VEPH1: variants seen among roughly 807,000 people sequenced by gnomAD.
VEPH1 encodes the protein ventricular zone expressed PH domain containing 1, also known as ventricular zone-expressed PH domain-containing protein homolog 1.
VEPH1 carries 80 observed loss-of-function variants against 85.2 expected under a neutral mutation model. The ratio of observed to expected loss-of-function variants is 0.94; its 90% CI spans 0.78 to 1.13. VEPH1 has a LOEUF of 1.13. Ranked by LOEUF, VEPH1 falls within the 50% of genes most tolerant of loss-of-function variation. The probability of loss-of-function intolerance (pLI) is 0.00; values close to 1 mark genes in which losing one functional copy is unlikely to be tolerated. For synonymous variants in VEPH1, 297 were observed against 348.0 expected, an observed-to-expected ratio of 0.85 and a Z score of 1.63; for missense variants, 955 against 980.5, an observed-to-expected ratio of 0.97 and a Z score of 0.35.
intron 11 of VEPH1, among the ~76,000 whole-genome samples, chr3:157,304,549 C>CATG (rs1290029919): frequency 1.3e-5 from 2 of 152,158 alleles, no homozygotes. Context: ...TTGGGTAGCA[C>CATG]ATGCACTGAA....
chr3:157,467,627 T>C (rs1316239145), intron 3 of VEPH1, among the ~76,000 whole-genome samples: 2 of 152,374 alleles, frequency 1.3e-5, no homozygotes, highest in South Asian at 4.1e-4. Flanking sequence ...CAGGACAAGA[T>C]GCTGAACTTT....
At chr3:157,360,618 C>T (rs1166270734) in intron 9 of VEPH1, among the ~76,000 whole-genome samples, 1 of 151,952 alleles carries the variant, frequency 6.6e-6, no homozygotes, top group Admixed American at 6.6e-5. Flanking sequence ...CTTAACCTAC[C>T]GAACATCATA....
At chr3:157,406,294 T>C (rs915043253) in intron 6 of VEPH1, among the ~76,000 whole-genome samples, 6 of 152,154 alleles carry the variant, frequency 3.9e-5, no homozygotes, top group African/African-American at 1.2e-4. Flanking sequence ...CTTCCTCTTG[T>C]AGAACGGACC....
intron 9 of VEPH1, among the ~76,000 whole-genome samples, chr3:157,351,116 C>T (rs899334417): frequency 1.1e-4 from 16 of 152,014 alleles, no homozygotes; most frequent in African/African-American, 3.6e-4. Flanking sequence ...CGGAATCAAC[C>T]CGGGTCCCCC....
chr3:157,483,475 T>G (rs1339713246), intron 2 of VEPH1, among the ~76,000 whole-genome samples: 2 of 152,190 alleles, frequency 1.3e-5, no homozygotes, highest in African/African-American at 4.8e-5. Flanking sequence ...AAGAAATTAT[T>G]GACCTCAAAT....
Position 157,437,737 on chromosome 3 carries a change from G to C in VEPH1, c.530-9249C>G, listed in dbSNP as rs759937518. On this transcript the variant is annotated intron_variant, in intron 4 of 13. Transcript: ENST00000362010. ...GGCCAGGCTGACCAGTGCTCTGGAC[G>C]AGCTGCTGCAGGCGACCCGCGACGC... 1.8e-4 allele frequency: 278 copies of C among 1,503,794 alleles called. 1 individual carries two copies. In the African/African-American group the frequency reaches 3.6e-3, roughly 20 times the overall value. The allele number at this position is 1,503,794 out of a possible 1,614,324, so 93.2% of individuals were successfully genotyped here.
At chr3:157,333,965 A>G (rs1559967547) in intron 9 of VEPH1, among the ~76,000 whole-genome samples, 1 of 152,174 alleles carries the variant, frequency 6.6e-6, no homozygotes, top group Non-Finnish European at 1.5e-5. Context: ...GCTGGCCACC[A>G]TCAGGCATCA....
At chr3:157,434,981 T>A (rs1007813140) in intron 4 of VEPH1, among the ~76,000 whole-genome samples, 3 of 152,198 alleles carry the variant, frequency 2.0e-5, no homozygotes, top group Admixed American at 6.5e-5. Context: ...TATTTCCTTA[T>A]ATCTGTCTTC....
intron 4 of VEPH1, among the ~76,000 whole-genome samples, chr3:157,455,562 C>G (rs1302977750): frequency 6.6e-6 from 1 of 151,826 alleles, no homozygotes; most frequent in Non-Finnish European, 1.5e-5. Flanking sequence ...TTTTCTTGAT[C>G]CTCTCCCTTT....
At chr3:157,405,075 T>G (rs1453463926) in intron 6 of VEPH1, among the ~76,000 whole-genome samples, 2 of 152,078 alleles carry the variant, frequency 1.3e-5, no homozygotes, top group Non-Finnish European at 2.9e-5. Flanking sequence ...CAGATCGTCC[T>G]CCTCTGGAAG....
chr3:157,427,594 T>C (rs1432998471), intron 5 of VEPH1, among the ~76,000 whole-genome samples: 1 of 152,302 alleles, frequency 6.6e-6, no homozygotes, highest in African/African-American at 2.4e-5. Flanking sequence ...TCGCTGGGAC[T>C]ACAGGTGCCT....
At chr3:157,347,906 A>G (rs1198035535) in intron 9 of VEPH1, among the ~76,000 whole-genome samples, 2 of 151,958 alleles carry the variant, frequency 1.3e-5, no homozygotes, top group Non-Finnish European at 2.9e-5. Flanking sequence ...TCCGCTACCC[A>G]CCCTCTGTGA....
chr3:157,391,536 T>C (rs1039718277), intron 6 of VEPH1, among the ~76,000 whole-genome samples: 1 of 152,220 alleles, frequency 6.6e-6, no homozygotes, highest in African/African-American at 2.4e-5. Flanking sequence ...GCGGCATGGC[T>C]GCACAGACAC....
chr3:157,341,450 C>T (rs559431973), intron 9 of VEPH1, among the ~76,000 whole-genome samples: 10 of 152,040 alleles, frequency 6.6e-5, no homozygotes, highest in East Asian at 5.8e-4. Context: ...ATCAATGGAA[C>T]GAAGTGACAA....
At chr3:157,364,535 A>G in intron 7 of VEPH1, 23 bp from the exon 8 acceptor site, 1 of 1,601,256 alleles carries the variant, frequency 6.2e-7, no homozygotes, top group African/African-American at 1.3e-5. Flanking sequence ...AAATCATTGC[A>G]TTAGATGCAG....
chr3:157,470,849 G>C (rs1736882483), intron 2 of VEPH1, among the ~76,000 whole-genome samples: 1 of 152,148 alleles, frequency 6.6e-6, no homozygotes, highest in South Asian at 2.1e-4. Flanking sequence ...GTCCATTACA[G>C]GGCAGGGGTT....
chr3:157,272,514 G>A (rs1238039266), intron 12 of VEPH1, among the ~76,000 whole-genome samples: 1 of 146,296 alleles, frequency 6.8e-6, no homozygotes, highest in Non-Finnish European at 1.5e-5. Context: ...CTGGAGTGCA[G>A]TGACACAATC....
intron 10 of VEPH1, among the ~76,000 whole-genome samples, chr3:157,315,639 A>C (rs1313535843): frequency 6.6e-6 from 1 of 152,070 alleles, no homozygotes; most frequent in Admixed American, 6.5e-5. Context: ...CAATATCATA[A>C]GTGTGGAAAA....
chr3:157,413,801 A>G, intron 6 of VEPH1, 80 bp downstream of exon 6: 1 of 1,478,374 alleles, frequency 6.8e-7, no homozygotes, highest in Non-Finnish European at 9.1e-7. Flanking sequence ...TTTGCACGTC[A>G]TAATAATCCA....
Sources: allele counts gnomAD v4.1 joint callset (sites outside exome capture counted in the v4.1 genomes callset), GRCh38; gene constraint gnomAD v4.1.1; transcripts MANE v1.5; gene names NCBI Gene and HGNC (gene_info 2026-07-23, HGNC 2026-07-21).